TRPM4: variants seen among roughly 807,000 people sequenced by gnomAD.
The protein encoded by TRPM4 is transient receptor potential cation channel subfamily M member 4.
Under a neutral mutation model 135.6 loss-of-function variants are expected in TRPM4, and 124 were observed. The observed-to-expected ratio is 0.91, with a 90% CI of 0.79 to 1.06. TRPM4 has a LOEUF of 1.06. Among genes scored for constraint, TRPM4 ranks in the 50% least tolerant of loss-of-function variants. The probability of loss-of-function intolerance (pLI) is 0.00; values close to 1 mark genes in which losing one functional copy is unlikely to be tolerated. For synonymous variants in TRPM4, 745 were observed against 705.6 expected (o/e 1.06, Z -0.88); for missense variants, 1,658 against 1,671.4 (o/e 0.99, Z 0.14).
chr19:49,207,057 C>A (rs1297146701), intron 20 of TRPM4, among the ~76,000 whole-genome samples: 1 of 152,154 alleles, frequency 6.6e-6, no homozygotes, highest in African/African-American at 2.4e-5. Context: ...GATTCTCTGG[C>A]ATTTCCTATA....
Position 49,210,652 on chromosome 19 carries a change from G to A in TRPM4, c.3329-58G>A. 2 of 1,613,116 alleles carry A rather than the reference G, an allele frequency of 1.2e-6. No homozygotes were observed. The highest frequency in any genetic ancestry group is 1.7e-6 in the Non-Finnish European group (2 of 1,179,650). ...GCGTGTTCTGAGGGTGTCGGAAGGG[G>A]CAGCTGGGATTGGGAAGGGGCGTGG... On this transcript the variant is annotated intron_variant, in intron 21 of 24. Coordinates refer to ENST00000252826, the MANE Select transcript of TRPM4 (RefSeq NM_017636.4). This position sits in a 1 kb window ranked among gnomAD's most constrained non-coding sequence, Gnocchi z 4.1.
At chr19:49,180,197 G>A (rs1350197034) in intron 9 of TRPM4, among the ~76,000 whole-genome samples, 1 of 152,082 alleles carries the variant, frequency 6.6e-6, no homozygotes, top group Non-Finnish European at 1.5e-5. Context: ...TCCATGTCAC[G>A]ACAAATGCCC....
In TRPM4 at chr19:49,168,247, G is replaced by C. The variant is rs759765802; in HGVS notation, c.449-13G>C. 1 of 1,613,992 alleles carries C rather than the reference G, an allele frequency of 6.2e-7. No homozygotes were observed. The highest frequency in any genetic ancestry group is 1.1e-5 in the South Asian group (1 of 91,082). On this transcript the variant is annotated splice_polypyrimidine_tract_variant and intron_variant, in intron 4 of 24. Coordinates refer to ENST00000252826, the MANE Select transcript of TRPM4 (RefSeq NM_017636.4). ...CTCCCCCTGCCTCTGCATGTTCCTC[G>C]GCGTCTGTGTAGGAGCCTGGATTGT...
chr19:49,189,179 A>G (rs890886505), intron 14 of TRPM4, 88 bp downstream of exon 14: 9 of 1,571,714 alleles, frequency 5.7e-6, no homozygotes, highest in East Asian at 2.3e-5. Context: ...GGGAACATCT[A>G]TGGTCTTGAC....
In TRPM4 at chr19:49,179,668, G is replaced by A. The variant is rs76800232; in HGVS notation, c.1151-1681G>A. On this transcript the variant is annotated intron_variant, in intron 9 of 24. Transcript: ENST00000252826. ...CCCGGCCTGTAAAGCAAGATATTAT[G>A]AACAATTTTGTTTCCTTCTTTTGAA... 6.9e-3 allele frequency among the ~76,000 whole-genome samples: 1,050 copies of A among 152,334 alleles called. 13 individuals are homozygous for A. Among genetic ancestry groups the A allele is most frequent in the African/African-American group, 0.024 (1,002 of 41,578 alleles).
intron 20 of TRPM4, 70 bp downstream of exon 20, chr19:49,202,211 C>A: frequency 6.5e-7 from 1 of 1,541,024 alleles, no homozygotes; most frequent in Non-Finnish European, 8.9e-7. Context: ...ACTCTTGAAC[C>A]CCGTCTAATG....
chr19:49,194,336 C>G (rs1968543586), intron 16 of TRPM4, among the ~76,000 whole-genome samples: 1 of 152,128 alleles, frequency 6.6e-6, no homozygotes. Flanking sequence ...CTTACTGCAC[C>G]CTCAACCTCC....
In TRPM4 at chr19:49,181,441, CG is replaced by C. The variant is rs750295454; in HGVS notation, c.1249del (p.Asp417ThrfsTer18). Reference protein sequence around the residue: ...RVDIAQSELFRGDIQWRSFHL... With the variant: ...RVDIAQSELFXGDIQWRSFHL... ...GGACATTGCCCAGAGTGAACTCTTT[CG>C]GGGGGACATCCAATGGCGGGTGAGG... On this transcript the variant is annotated frameshift_variant, in exon 10 of 25. Coordinates refer to ENST00000252826, the MANE Select transcript of TRPM4 (RefSeq NM_017636.4). LOFTEE classifies it high-confidence loss of function. 4.9e-5 allele frequency: 78 copies of C among 1,606,070 alleles called. No homozygotes were observed. Among genetic ancestry groups the C allele is most frequent in the Non-Finnish European group, 6.3e-5 (74 of 1,175,834 alleles).
At chr19:49,172,259 C>A in intron 9 of TRPM4, 151 bp downstream of exon 9, 2 of 678,232 alleles carry the variant, frequency 2.9e-6, no homozygotes, top group Non-Finnish European at 5.3e-6. Context: ...TTGCATGGTG[C>A]TATTTGGGCA....
At position 49,200,069 on chromosome 19, in the gene TRPM4, C is replaced by T. The variant is rs1809085634; in HGVS notation, c.2646-231C>T. Among the ~76,000 whole-genome samples, 3 of 152,146 alleles carry T rather than the reference C, an allele frequency of 2.0e-5. No individual in the cohort carries two copies. In the South Asian group the frequency reaches 6.2e-4, roughly 31 times the overall value. On this transcript the variant is annotated intron_variant, in intron 17 of 24. Coordinates refer to ENST00000252826, the MANE Select transcript of TRPM4 (RefSeq NM_017636.4). ...GGGACCAGCTCTTTGCTAAGGCCATCGTTCATTCAGTCATTACTTAATAGG... is the reference window on the plus strand; with the variant it reads ...GGGACCAGCTCTTTGCTAAGGCCATTGTTCATTCAGTCATTACTTAATAGG...
chr19:49,208,774 A>G (rs1969243314), intron 20 of TRPM4, among the ~76,000 whole-genome samples: 1 of 152,010 alleles, frequency 6.6e-6, no homozygotes, highest in African/African-American at 2.4e-5. Context: ...CCGCCCACAC[A>G]TGGTGAAACC....
intron 10 of TRPM4, 100 bp from the exon 11 acceptor site, chr19:49,182,476 CCA>C: frequency 1.2e-6 from 1 of 843,532 alleles, no homozygotes; most frequent in Non-Finnish European, 1.9e-6. Flanking sequence ...ATCCATCCAT[CCA>C]TCCATCCATC....
chr19:49,180,200 A>C (rs193139580), intron 9 of TRPM4, among the ~76,000 whole-genome samples: 13 of 152,266 alleles, frequency 8.5e-5, no homozygotes, highest in Admixed American at 8.5e-4. Flanking sequence ...ATGTCACGAC[A>C]AATGCCCTTC....
chr19:49,171,760 G>A lies in TRPM4; in HGVS notation c.1041G>A (p.Leu347=). Residue 347 remains leucine, a synonymous_variant, in exon 8 of 25, where the codon CTG becomes CTA. Transcript: ENST00000252826. The surrounding 1 kb of genome is among the most constrained non-coding windows in gnomAD (Gnocchi z 4.7). ...RFFPKGDLEV[L]QAQVERIMTR... is the part of the protein sequence containing the mutation. The stretch of plus-strand genomic sequence containing the variant: ...TTCCCAAAGGGGACCTTGAGGTCCT[G>A]CAGGCCCAGGTATGACACTGGGGGC... 1 of 1,609,646 alleles carries A rather than the reference G, an allele frequency of 6.2e-7. No individual in the cohort carries two copies. The highest frequency in any genetic ancestry group is 8.5e-7 in the Non-Finnish European group (1 of 1,179,688).
At chr19:49,164,012 T>C (rs1967067131) in intron 2 of TRPM4, among the ~76,000 whole-genome samples, 1 of 152,246 alleles carries the variant, frequency 6.6e-6, no homozygotes, top group African/African-American at 2.4e-5. Flanking sequence ...TCATCCCATG[T>C]GTGGATCAGT....
At chr19:49,196,409 G>C in intron 16 of TRPM4, 31 bp from the exon 17 acceptor site, 1 of 1,511,688 alleles carries the variant, frequency 6.6e-7, no homozygotes, top group South Asian at 1.3e-5. Flanking sequence ...TCAGAGTGAG[G>C]CCTCCTCCCT....
chr19:49,164,192 CCTT>C (rs1479526253), intron 2 of TRPM4, among the ~76,000 whole-genome samples: 2 of 149,338 alleles, frequency 1.3e-5, no homozygotes, highest in Admixed American at 1.3e-4. Context: ...ACATTTTTCT[CCTT>C]CTTTCTTCCT....
chr19:49,187,924 T>A (rs1368197803), intron 12 of TRPM4, among the ~76,000 whole-genome samples: 2 of 152,096 alleles, frequency 1.3e-5, no homozygotes, highest in Non-Finnish European at 2.9e-5. Context: ...ACAGTCTGGG[T>A]GGTGTCAGCT....
At chr19:49,179,518 T>G (rs1967834928) in intron 9 of TRPM4, among the ~76,000 whole-genome samples, 1 of 151,862 alleles carries the variant, frequency 6.6e-6, no homozygotes, top group Non-Finnish European at 1.5e-5. Context: ...CCCAGCTAAT[T>G]TTTTGTATTT....
Sources: allele counts gnomAD v4.1 joint callset (sites outside exome capture counted in the v4.1 genomes callset), GRCh38; gene constraint gnomAD v4.1.1; non-coding constraint Gnocchi (gnomAD v3.1); transcripts MANE v1.5; gene names NCBI Gene and HGNC (gene_info 2026-07-23, HGNC 2026-07-21).